The following SACS variants were observed in gnomAD, a reference collection of about 807,000 sequenced individuals.
SACS encodes sacsin molecular chaperone.
Under a neutral mutation model 348.0 loss-of-function variants are expected in SACS, and 197 were observed. The ratio of observed to expected loss-of-function variants is 0.57; its 90% CI spans 0.50 to 0.64. The LOEUF (loss-of-function observed/expected upper bound fraction) is 0.64. SACS is among the 30% of genes least tolerant of loss of function. The pLI, the probability that SACS is intolerant of heterozygous loss-of-function variation, is 0.00. For missense variants in SACS, 4,999 were observed against 5,360.8 expected (o/e 0.93, Z 2.11); for synonymous variants, 1,985 against 1,910.6 (o/e 1.04, Z -1.02).
At chr13:23,388,257 C>G (rs562432034) in intron 2 of SACS, among the ~76,000 whole-genome samples, 6 of 149,812 alleles carry the variant, frequency 4.0e-5, no homozygotes, top group Non-Finnish European at 8.9e-5. Flanking sequence ...TGTCGTGAAC[C>G]GGGCAGGCGG....
Position 23,336,602 on chromosome 13 carries a change from C to T in SACS, c.7274G>A (p.Arg2425Gln), listed in dbSNP as rs771583552. ...QITEENFQLC[R>Q]RIISEGIWSL... ...CCATATTCCTTCACTGATTATTCGT[C>T]GGCAAAGCTGAAAATTCTCTTCTGT... is the stretch of plus-strand genomic sequence containing the variant. Residue 2425 changes from arginine (R) to glutamine (Q), a missense_variant, in exon 10 of 10, where the codon CGA (arginine) becomes CAA (glutamine). Physicochemically the swap from Arg to Gln is conservative, Grantham distance 43. Around this residue, in one of 6 missense-constraint regions of SACS, gnomAD observed 3,156 missense variants for 3,380.1 expected, o/e 0.93. Coordinates refer to ENST00000382292, the MANE Select transcript of SACS (RefSeq NM_014363.6). 5.6e-6 allele frequency: 9 copies of T among 1,613,532 alleles called. No individual in the cohort carries two copies. The highest frequency in any genetic ancestry group is 1.3e-5 in the African/African-American group (1 of 74,890).
Position 23,332,648 on chromosome 13 carries a change from G to A in SACS, c.11228C>T (p.Pro3743Leu). 6.2e-7 allele frequency: 1 copy of A among 1,613,700 alleles called. No homozygotes were observed. The highest frequency in any genetic ancestry group is 8.5e-7 in the Non-Finnish European group (1 of 1,179,934). ...VLNMLNVNLDPPLDKVINNCR... is the reference protein window; with the variant it reads ...VLNMLNVNLDLPLDKVINNCR... ...GTTATTGATTACCTTATCAAGAGGA[G>A]GATCCAGGTTAACATTAAGCATATT... is the stretch of plus-strand genomic sequence containing the variant. Residue 3743 changes from proline to leucine, a missense_variant, in exon 10 of 10, where the codon CCT (proline) becomes CTT (leucine). This residue lies in a region of SACS where 831 missense variants were observed against 941.8 expected (regional missense o/e 0.88). Coordinates refer to ENST00000382292, the MANE Select transcript of SACS (RefSeq NM_014363.6).
chr13:23,331,961 C>G lies in SACS; in HGVS notation c.11915G>C (p.Arg3972Pro), dbSNP rs138442606. The G allele has an allele frequency of 5.6e-6, 9 of 1,613,918 alleles. No homozygotes were observed. Among genetic ancestry groups the G allele is most frequent in the Non-Finnish European group, 7.6e-6 (9 of 1,179,948 alleles). The change falls in exon 10 of 10, where the codon CGA (arginine) becomes CCA (proline). Residue 3972 changes from arginine to proline, a missense_variant. By Grantham distance (103) the Arg-to-Pro change is moderately radical. Around this residue, in one of 6 missense-constraint regions of SACS, gnomAD observed 831 missense variants for 941.8 expected, o/e 0.88. Coordinates refer to ENST00000382292, the MANE Select transcript of SACS (RefSeq NM_014363.6). ...IMLFPQKLRP[R>P]LLSSILEEQL... Reference sequence around the variant, plus strand: ...TTCTTCAAGTATACTGCTCAATAATCGAGGTCTAAGTTTTTGAGGAAAGAG... The same window carrying G: ...TTCTTCAAGTATACTGCTCAATAATGGAGGTCTAAGTTTTTGAGGAAAGAG...
chr13:23,375,503 A>C (rs934879289), intron 2 of SACS: 1 of 1,130,280 alleles, frequency 8.8e-7, no homozygotes, highest in African/African-American at 1.6e-5. Context: ...GCCCGCGCCG[A>C]GGAGGAAACG....
rs970807935 is a variant in SACS at position 23,329,179 on chromosome 13, C to A, written c.*957G>T. The stretch of plus-strand genomic sequence containing the variant: ...GATAATTATAAACTACTAGATAACA[C>A]AATGATTTTAACAATTTTTGATGTT... On this transcript the variant is annotated 3_prime_UTR_variant, in exon 10 of 10. Coordinates refer to ENST00000382292, the MANE Select transcript of SACS (RefSeq NM_014363.6). 6 of 427,528 alleles carry A rather than the reference C, an allele frequency of 1.4e-5. No individual in the cohort carries two copies. The highest frequency in any genetic ancestry group is 6.0e-4 in the Middle Eastern group (1 of 1,666). The allele number at this position is 427,528 out of a possible 1,614,324, so 26.5% of individuals were successfully genotyped here. A position where few individuals can be genotyped will look rare whatever the true frequency, so the allele number is the denominator to read the frequency against.
chr13:23,356,614 C>A (rs776599567), intron 7 of SACS, among the ~76,000 whole-genome samples: 1 of 152,160 alleles, frequency 6.6e-6, no homozygotes, highest in Non-Finnish European at 1.5e-5. Flanking sequence ...TAAATTGATA[C>A]CAGCTGCTTC....
chr13:23,355,056 T>C lies in SACS; in HGVS notation c.1556A>G (p.Glu519Gly), dbSNP rs1180697573. The C allele has an allele frequency of 6.2e-7, 1 of 1,614,220 alleles. No individual in the cohort carries two copies. The highest frequency in any genetic ancestry group is 8.5e-7 in the Non-Finnish European group (1 of 1,180,040). ...TGACAAGGGGAAATCAGAGCTCTTT[T>C]CCATCTCCAGACGTTTTATTGAATC... Reference protein sequence around the residue: ...ILDSIKRLEMEKSSDFPLSVD... With the variant: ...ILDSIKRLEMGKSSDFPLSVD... The change falls in exon 8 of 10, where the codon GAA becomes GGA. Residue 519 changes from glutamate to glycine, a missense_variant. Transcript: ENST00000382292.
At chr13:23,386,556 T>G (rs1872296259) in intron 2 of SACS, among the ~76,000 whole-genome samples, 1 of 152,228 alleles carries the variant, frequency 6.6e-6, no homozygotes, top group Non-Finnish European at 1.5e-5. Context: ...CCACTCAAAT[T>G]GATTCCTAAT....
rs758787027 is a variant in SACS at position 23,329,479 on chromosome 13, G to A, written c.*657C>T. ...TTTCCGTTGCTATCTTCATCAAACA[G>A]GAAGCCTGTAAACATAAGATGTTAA... is the stretch of plus-strand genomic sequence containing the variant. On this transcript the variant is annotated 3_prime_UTR_variant, in exon 10 of 10. Transcript: ENST00000382292. 6 of 766,698 alleles carry A rather than the reference G, an allele frequency of 7.8e-6. No homozygotes were observed. The highest frequency in any genetic ancestry group is 2.4e-5 in the East Asian group (1 of 40,866). The allele number at this position is 766,698 out of a possible 1,614,324, so 47.5% of individuals were successfully genotyped here.
rs752434518 is a variant in SACS, at chr13:23,331,478, C to T, written c.12398G>A (p.Gly4133Asp). 3.1e-6 allele frequency: 5 copies of T among 1,614,020 alleles called. No homozygotes were observed. The highest frequency in any genetic ancestry group is 4.2e-6 in the Non-Finnish European group (5 of 1,179,962). The change falls in exon 10 of 10, where the codon GGT becomes GAT. Residue 4133 changes from glycine to aspartate, a missense_variant. Around this residue, in one of 6 missense-constraint regions of SACS, gnomAD observed 831 missense variants for 941.8 expected, o/e 0.88. Transcript: ENST00000382292. ...MLGCNDIYRIGEKLDSLGVKY... is the reference protein window; with the variant it reads ...MLGCNDIYRIDEKLDSLGVKY... ...CACTCCTAAACTGTCAAGTTTCTCACCAATCCTGTAAATATCATTGCATCC... is the reference window on the plus strand; with the variant it reads ...CACTCCTAAACTGTCAAGTTTCTCATCAATCCTGTAAATATCATTGCATCC...
intron 2 of SACS, among the ~76,000 whole-genome samples, chr13:23,387,378 C>A (rs1241843667): frequency 7.0e-6 from 1 of 143,720 alleles, no homozygotes; most frequent in Non-Finnish European, 1.5e-5. Context: ...AGGAGAATGG[C>A]GTGAACCCGG....
Position 23,329,201 on chromosome 13 carries a change from T to A in SACS, c.*935A>T, listed in dbSNP as rs2137542420. 2.2e-6 allele frequency: 1 copy of A among 450,026 alleles called. No homozygotes were observed. The highest frequency in any genetic ancestry group is 3.7e-5 in the East Asian group (1 of 26,982). 27.9% of individuals were successfully genotyped at this position (450,026 alleles called of 1,614,324 possible). A position where few individuals can be genotyped will look rare whatever the true frequency, so the allele number is the denominator to read the frequency against. On this transcript the variant is annotated 3_prime_UTR_variant, in exon 10 of 10. Transcript: ENST00000382292. ...ACACAATGATTTTAACAATTTTTGATGTTTTTAAAGTTAAAAAAACTCCAC... is the reference window on the plus strand; with the variant it reads ...ACACAATGATTTTAACAATTTTTGAAGTTTTTAAAGTTAAAAAAACTCCAC...
In SACS at chr13:23,341,023, G is replaced by C. The variant is rs200644511; in HGVS notation, c.2853C>G (p.His951Gln). 1.2e-6 allele frequency: 2 copies of C among 1,613,948 alleles called. No homozygotes were observed. The highest frequency in any genetic ancestry group is 2.7e-5 in the African/African-American group (2 of 74,934). The part of the protein sequence containing the change: ...YTKLKGCKVL[H>Q]HTAKLPADLR... ...GATCTGCTGGGAGTTTGGCAGTATG[G>C]TGTAAGACTTTACAACCTTTCAATT... is the stretch of plus-strand genomic sequence containing the variant. Residue 951 changes from histidine to glutamine, a missense_variant, in exon 10 of 10, where the codon CAC becomes CAG. His to Gln is a conservative substitution (Grantham distance 24). Around this residue, in one of 6 missense-constraint regions of SACS, gnomAD observed 3,156 missense variants for 3,380.1 expected, o/e 0.93. Coordinates refer to ENST00000382292, the MANE Select transcript of SACS (RefSeq NM_014363.6).
chr13:23,367,666 C>T (rs1364070648), intron 5 of SACS, among the ~76,000 whole-genome samples: 1 of 152,178 alleles, frequency 6.6e-6, no homozygotes, highest in Non-Finnish European at 1.5e-5. Context: ...GCAATCTCGG[C>T]TCACTGCAAT....
intron 9 of SACS, among the ~76,000 whole-genome samples, chr13:23,344,540 T>C (rs577554618): frequency 6.6e-6 from 1 of 152,260 alleles, no homozygotes; most frequent in African/African-American, 2.4e-5. Flanking sequence ...CTGAATTCTA[T>C]CCATTGTATT....
chr13:23,332,765 C>A lies in SACS; in HGVS notation c.11111G>T (p.Cys3704Phe). The change falls in exon 10 of 10, where the codon TGC becomes TTC. Residue 3704 changes from cysteine (C) to phenylalanine (F), a missense_variant. Around this residue, in one of 6 missense-constraint regions of SACS, gnomAD observed 831 missense variants for 941.8 expected, o/e 0.88. Coordinates refer to ENST00000382292, the MANE Select transcript of SACS (RefSeq NM_014363.6). The stretch of plus-strand genomic sequence containing the variant: ...TGTAGCTTTCTCTGGAAGAATAGGG[C>A]AGGATGTCCATAACAGCTGGAGTAC... ...CDVLQLLWTS[C>F]PILPEKATPL... 6.2e-7 allele frequency: 1 copy of A among 1,613,936 alleles called. No individual in the cohort carries two copies. Among genetic ancestry groups the A allele is most frequent in the Non-Finnish European group, 8.5e-7 (1 of 1,179,916 alleles).
intron 9 of SACS, among the ~76,000 whole-genome samples, chr13:23,350,788 T>C (rs915955129): frequency 2.6e-5 from 4 of 152,218 alleles, no homozygotes; most frequent in Admixed American, 2.0e-4. Context: ...TTTCTTCTCC[T>C]GTACTCACTA....
Position 23,411,428 on chromosome 13 carries a change from G to A in SACS, c.-189C>T, listed in dbSNP as rs1052056565. The A allele has an allele frequency of 1.6e-6, 1 of 633,130 alleles. No individual in the cohort carries two copies. The highest frequency in any genetic ancestry group is 2.8e-6 in the Non-Finnish European group (1 of 354,024). 39.2% of individuals were successfully genotyped at this position (633,130 alleles called of 1,614,324 possible). On this transcript the variant is annotated 5_prime_UTR_variant, in exon 2 of 10. Transcript: ENST00000382292. Reference sequence around the variant, plus strand: ...CTGATGTCAGGAAACATTGTCGTGTGTTGCATTTGTATTCCTTAAAGTATG... The same window carrying A: ...CTGATGTCAGGAAACATTGTCGTGTATTGCATTTGTATTCCTTAAAGTATG...
At chr13:23,382,932 G>A (rs1872125194) in intron 2 of SACS, among the ~76,000 whole-genome samples, 1 of 148,110 alleles carries the variant, frequency 6.8e-6, no homozygotes, top group Admixed American at 6.8e-5. Context: ...TAGGACTACA[G>A]GCATGTACCA....
Sources: allele counts gnomAD v4.1 joint callset (sites outside exome capture counted in the v4.1 genomes callset), GRCh38; gene constraint gnomAD v4.1.1; regional missense constraint gnomAD v4.1.1; transcripts MANE v1.5; gene names NCBI Gene and HGNC (gene_info 2026-07-23, HGNC 2026-07-21).